Variants in NACC2 observed in about 807,000 individuals in gnomAD.
The protein encoded by NACC2 is nucleus accumbens-associated protein 2.
NACC2 carries 8 observed loss-of-function variants against 25.1 expected under a neutral mutation model. The observed-to-expected ratio is 0.32, with a 90% confidence interval of 0.19 to 0.57. The LOEUF (loss-of-function observed/expected upper bound fraction) is 0.57. Among genes scored for constraint, NACC2 ranks in the 20% least tolerant of loss-of-function variants. The pLI is 0.89. For missense variants in NACC2, 644 were observed against 650.2 expected, an observed-to-expected ratio of 0.99 and a Z score of 0.10; for synonymous variants, 435 against 294.7, an observed-to-expected ratio of 1.48 and a Z score of -4.88.
intron 2 of NACC2, among the ~76,000 whole-genome samples, chr9:136,048,964 CCAGA>C (rs1840772182): frequency 6.6e-6 from 1 of 152,156 alleles, no homozygotes; most frequent in South Asian, 2.1e-4. Context: ...GGTGGCCAGC[CCAGA>C]CACACAGTCA....
At position 136,007,433 on chromosome 9, in the gene NACC2, A is replaced by G. The variant is rs1320368888; in HGVS notation, c.*4083T>C. 1.3e-5 allele frequency: 1 copy of G among 78,696 alleles called. No individual in the cohort carries two copies. Among genetic ancestry groups the G allele is most frequent in the African/African-American group, 3.6e-5 (1 of 28,076 alleles). The allele number at this position is 78,696 out of a possible 1,614,324, so 4.9% of individuals were successfully genotyped here. ...CACACAGACGCGCGTGCACACATAC[A>G]CACAGACGCGCACACACACGCGCAC... On this transcript the variant is annotated 3_prime_UTR_variant, in exon 6 of 6. Transcript: ENST00000277554.
At position 136,093,748 on chromosome 9, in the gene NACC2, A is replaced by G. The variant is rs1830456607; in HGVS notation, c.-60+1441T>C. ...GCCTCTTTAAGGGAGGGGCTGGGAA[A>G]GGCCCCACAGAGGACCAGAGGGGTG... On this transcript the variant is annotated intron_variant, in intron 1 of 5. Coordinates refer to ENST00000277554, the MANE Select transcript of NACC2 (RefSeq NM_144653.5). Among the ~76,000 whole-genome samples, 3 of 142,006 alleles carry G rather than the reference A, an allele frequency of 2.1e-5. No individual in the cohort carries two copies. The South Asian group carries it at 6.9e-4, about 33-fold the overall frequency. 93.2% of individuals were successfully genotyped at this position (142,006 alleles called of 152,430 possible).
At chr9:136,024,152 CAG>C (rs1491073454) in intron 2 of NACC2, among the ~76,000 whole-genome samples, 9 of 71,994 alleles carry the variant, frequency 1.3e-4, no homozygotes, top group South Asian at 8.7e-4. Flanking sequence ...TGTGTGGGGA[CAG>C]AGTGTGTGTG....
rs73668055 is a variant in NACC2, at chr9:136,058,479, G to A, written c.-59-7899C>T. Reference sequence around the variant, plus strand: ...CCTGGCCATCCATATTTTACCCTCTGGACATTCCTGTCTGGGACCTGGGCT... The same window carrying A: ...CCTGGCCATCCATATTTTACCCTCTAGACATTCCTGTCTGGGACCTGGGCT... On this transcript the variant is annotated intron_variant, in intron 1 of 5. Transcript: ENST00000277554. Among the ~76,000 whole-genome samples, 752 of 152,324 alleles carry A rather than the reference G, an allele frequency of 4.9e-3. 6 individuals carry two copies. Among genetic ancestry groups the A allele is most frequent in the African/African-American group, 0.017 (718 of 41,574 alleles).
chr9:136,011,787 T>G lies in NACC2; in HGVS notation c.1493A>C (p.Glu498Ala). Residue 498 changes from glutamate to alanine, a missense_variant, in exon 6 of 6, where the codon GAG (glutamate) becomes GCG (alanine). By Grantham distance (107) the Glu-to-Ala change is moderately radical. Transcript: ENST00000277554. The part of the protein sequence containing the change: ...AQVFEQRIYA[E>A]RRGDAATIVA... ...GATGGTGGCGGCGTCGCCCCGCCGC[T>G]CGGCGTAGATGCGTTGCTCGAACAC... 1 of 1,555,014 alleles carries G rather than the reference T, an allele frequency of 6.4e-7. No homozygotes were observed. The highest frequency in any genetic ancestry group is 8.7e-7 in the Non-Finnish European group (1 of 1,149,984).
chr9:136,070,906 G>C (rs1450702567), intron 1 of NACC2, among the ~76,000 whole-genome samples: 1 of 151,740 alleles, frequency 6.6e-6, no homozygotes, highest in African/African-American at 2.4e-5. Flanking sequence ...AGACCCTGCA[G>C]ATAGCAAAAG....
chr9:136,072,566 A>G (rs1830207057), intron 1 of NACC2, among the ~76,000 whole-genome samples: 1 of 151,538 alleles, frequency 6.6e-6, no homozygotes, highest in African/African-American at 2.4e-5. Flanking sequence ...GAAAAGAAAA[A>G]AAAGGCTGGG....
chr9:136,077,889 G>T (rs895798988), intron 1 of NACC2, among the ~76,000 whole-genome samples: 4 of 152,246 alleles, frequency 2.6e-5, no homozygotes, highest in African/African-American at 7.2e-5. Context: ...CTTTGGGAGT[G>T]AAAACCACGT....
intron 2 of NACC2, among the ~76,000 whole-genome samples, chr9:136,026,594 G>C (rs1182129263): frequency 6.6e-6 from 1 of 152,126 alleles, no homozygotes; most frequent in Non-Finnish European, 1.5e-5. Context: ...GCAGGAGACA[G>C]TGAAAAGCAT....
chr9:136,018,608 A>T lies in NACC2; in HGVS notation c.887-2179T>A, dbSNP rs1840238410. On this transcript the variant is annotated intron_variant, in intron 2 of 5. Coordinates refer to ENST00000277554, the MANE Select transcript of NACC2 (RefSeq NM_144653.5). The surrounding 1 kb of genome is among the most constrained non-coding windows in gnomAD (Gnocchi z 4.4). ...GGGGAGCTTCCCAAGGCCCAGGGAC[A>T]CCCAAGCAGAGGCTGCAACAGAACA... Among the ~76,000 whole-genome samples, 1 of 151,980 alleles carries T rather than the reference A, an allele frequency of 6.6e-6. No individual in the cohort carries two copies. The highest frequency in any genetic ancestry group is 2.4e-5 in the African/African-American group (1 of 41,366).
chr9:136,062,193 A>C (rs1226524911), intron 1 of NACC2, among the ~76,000 whole-genome samples: 1 of 151,918 alleles, frequency 6.6e-6, no homozygotes, highest in African/African-American at 2.4e-5. Context: ...AGAGAGAGAA[A>C]AGAAAGAAAG....
chr9:136,094,210 G>A (rs1173336336), intron 1 of NACC2, among the ~76,000 whole-genome samples: 1 of 152,208 alleles, frequency 6.6e-6, no homozygotes, highest in Non-Finnish European at 1.5e-5. Context: ...CCACCAGCAC[G>A]TGGGTGAAAC....
intron 1 of NACC2, among the ~76,000 whole-genome samples, chr9:136,072,640 T>C (rs1588580107): frequency 6.6e-6 from 1 of 152,090 alleles, no homozygotes; most frequent in African/African-American, 2.4e-5. Context: ...TCACCTGAGG[T>C]CAGGAGTTCA....
At chr9:136,088,050 C>A (rs539496473) in intron 1 of NACC2, among the ~76,000 whole-genome samples, 2 of 152,274 alleles carry the variant, frequency 1.3e-5, no homozygotes, top group East Asian at 3.9e-4. Flanking sequence ...AAGACGGGCA[C>A]CCCCAGTGGC....
At chr9:136,036,643 G>C (rs997353198) in intron 2 of NACC2, among the ~76,000 whole-genome samples, 1 of 152,036 alleles carries the variant, frequency 6.6e-6, no homozygotes, top group Non-Finnish European at 1.5e-5. Flanking sequence ...GGGAGAAATG[G>C]AAAGTATAAA....
In NACC2 at chr9:136,022,539, CTT is replaced by C. The variant is rs1207528101; in HGVS notation, c.887-6112_887-6111del. Among the ~76,000 whole-genome samples, 1 of 152,210 alleles carries C rather than the reference CTT, an allele frequency of 6.6e-6. No individual in the cohort carries two copies. Among genetic ancestry groups the C allele is most frequent in the African/African-American group, 2.4e-5 (1 of 41,456 alleles). On this transcript the variant is annotated intron_variant, in intron 2 of 5. Coordinates refer to ENST00000277554, the MANE Select transcript of NACC2 (RefSeq NM_144653.5). The surrounding 1 kb of genome is among the most constrained non-coding windows in gnomAD (Gnocchi z 4.4). ...AGACCTGCCTTCCCTGCTGTTGCCCCTTCCACCCAGCTTTGGGGGTGGGTCCA... is the reference window on the plus strand; with the variant it reads ...AGACCTGCCTTCCCTGCTGTTGCCCCCCACCCAGCTTTGGGGGTGGGTCCA...
At chr9:136,094,002 G>GAAGCCTTCCCT (rs1830459970) in intron 1 of NACC2, among the ~76,000 whole-genome samples, 1 of 152,240 alleles carries the variant, frequency 6.6e-6, no homozygotes, top group African/African-American at 2.4e-5. Flanking sequence ...CGACCTGGAG[G>GAAGCCTTCCCT]GACACGGACT....
chr9:136,044,722 G>C (rs1436182039), intron 2 of NACC2, among the ~76,000 whole-genome samples: 1 of 152,248 alleles, frequency 6.6e-6, no homozygotes, highest in Non-Finnish European at 1.5e-5. Flanking sequence ...CAACAGTCCT[G>C]AGTTTTGAGC....
rs1366404761 is a variant in NACC2, at chr9:136,041,055, G to GA, written c.886+8580dup. Among the ~76,000 whole-genome samples the GA allele has an allele frequency of 7.9e-3, 1,180 of 149,414 alleles. 14 individuals carry two copies. Among genetic ancestry groups the GA allele is most frequent in the African/African-American group, 0.027 (1,103 of 40,482 alleles). ...AAGGAAAGAAAAGGAAGGAAGGAAGGAAGGAAAGGAAGGAAGGAAGGAAAG... is the reference window on the plus strand; with the variant it reads ...AAGGAAAGAAAAGGAAGGAAGGAAGGAAAGGAAAGGAAGGAAGGAAGGAAAG... On this transcript the variant is annotated intron_variant, in intron 2 of 5. Transcript: ENST00000277554.
Sources: allele counts gnomAD v4.1 joint callset (sites outside exome capture counted in the v4.1 genomes callset), GRCh38; gene constraint gnomAD v4.1.1; non-coding constraint Gnocchi (gnomAD v3.1); transcripts MANE v1.5; gene names NCBI Gene and HGNC (gene_info 2026-07-23, HGNC 2026-07-21).